The following ARID5B variants were observed in gnomAD, a reference collection of about 807,000 sequenced individuals.
ARID5B encodes AT-rich interaction domain 5B.
A neutral mutation model predicts 97.2 loss-of-function variants in ARID5B; 13 were observed. The observed-to-expected ratio is 0.13, with a 90% CI of 0.09 to 0.21. The LOEUF (loss-of-function observed/expected upper bound fraction) is 0.21. Ranked by LOEUF, ARID5B falls within the 10% of genes least tolerant of loss-of-function variation. The pLI, the probability that ARID5B is intolerant of heterozygous loss-of-function variation, is 1.00. For missense variants in ARID5B, 1,210 were observed against 1,465.3 expected (o/e 0.83, Z 2.84); for synonymous variants, 556 against 570.3 (o/e 0.97, Z 0.36).
At chr10:62,021,867 C>A (rs1839360440) in intron 4 of ARID5B, among the ~76,000 whole-genome samples, 1 of 152,144 alleles carries the variant, frequency 6.6e-6, no homozygotes, top group Non-Finnish European at 1.5e-5. Context: ...GAAACCAGTG[C>A]CATCACCACA....
intron 2 of ARID5B, among the ~76,000 whole-genome samples, chr10:61,909,598 T>C (rs1373784405): frequency 6.6e-6 from 1 of 152,228 alleles, no homozygotes; most frequent in Non-Finnish European, 1.5e-5. Flanking sequence ...GTGCTGGGAT[T>C]ACAGGCGTCA....
At chr10:61,944,537 A>C (rs953342855) in intron 3 of ARID5B, among the ~76,000 whole-genome samples, 1 of 152,210 alleles carries the variant, frequency 6.6e-6, no homozygotes, top group Non-Finnish European at 1.5e-5. Flanking sequence ...AAATTATTTT[A>C]TGTAACACTG....
chr10:62,027,285 CTTTTTTTTTTTTTTTTTTTTTTTT>C (rs777291593), intron 4 of ARID5B, among the ~76,000 whole-genome samples: 823 of 67,410 alleles, frequency 0.012, 18 homozygotes, highest in African/African-American at 0.043. Context: ...ACAGTATCTC[CTTTTTTTTTTTTTTTTTTTTTTTT>C]TTTTTTTTTT....
chr10:62,024,511 C>G (rs982315939), intron 4 of ARID5B, among the ~76,000 whole-genome samples: 9 of 152,184 alleles, frequency 5.9e-5, no homozygotes, highest in Non-Finnish European at 1.2e-4. Context: ...AACCATTCAT[C>G]AAAGGATCAT....
intron 3 of ARID5B, among the ~76,000 whole-genome samples, chr10:61,992,605 CTT>C (rs961606908): frequency 1.3e-5 from 2 of 151,814 alleles, no homozygotes; most frequent in Non-Finnish European, 2.9e-5. Context: ...CCCACATTTA[CTT>C]TTTTTTAAGT....
intron 3 of ARID5B, among the ~76,000 whole-genome samples, chr10:61,956,373 A>G (rs1248573938): frequency 6.6e-6 from 1 of 152,218 alleles, no homozygotes; most frequent in Non-Finnish European, 1.5e-5. Flanking sequence ...CACACAGTCC[A>G]TGGAAAAACT....
chr10:61,967,820 T>A (rs949512239), intron 3 of ARID5B, among the ~76,000 whole-genome samples: 1 of 152,146 alleles, frequency 6.6e-6, no homozygotes, highest in Non-Finnish European at 1.5e-5. Context: ...TTCAACAGAA[T>A]GTTGGAAGTA....
chr10:61,906,356 C>T (rs1402634627), intron 2 of ARID5B, among the ~76,000 whole-genome samples: 1 of 152,208 alleles, frequency 6.6e-6, no homozygotes, highest in Non-Finnish European at 1.5e-5. Context: ...TTGCCACATT[C>T]AGCCACTAGC....
At chr10:61,978,453 T>A (rs1477908840) in intron 3 of ARID5B, among the ~76,000 whole-genome samples, 2 of 152,216 alleles carry the variant, frequency 1.3e-5, no homozygotes, top group Non-Finnish European at 2.9e-5. Flanking sequence ...CCTTGGGCAG[T>A]ATGGCCATTT....
chr10:62,069,289 A>G (rs1840031585), intron 7 of ARID5B, among the ~76,000 whole-genome samples: 1 of 152,236 alleles, frequency 6.6e-6, no homozygotes, highest in Non-Finnish European at 1.5e-5. Flanking sequence ...CCCCATTTCC[A>G]CATGCCTCAG....
At chr10:61,935,967 A>G (rs1844292765) in intron 2 of ARID5B, among the ~76,000 whole-genome samples, 1 of 152,156 alleles carries the variant, frequency 6.6e-6, no homozygotes, top group Non-Finnish European at 1.5e-5. Context: ...ACCCTACTAT[A>G]TATACACTTG....
chr10:62,080,678 G>A (rs1840200482), intron 8 of ARID5B, among the ~76,000 whole-genome samples: 1 of 152,152 alleles, frequency 6.6e-6, no homozygotes, highest in Non-Finnish European at 1.5e-5. Flanking sequence ...TGGCCAAGCT[G>A]TAGAAATTTA....
At chr10:61,933,236 G>C (rs1165678429) in intron 2 of ARID5B, among the ~76,000 whole-genome samples, 1 of 152,132 alleles carries the variant, frequency 6.6e-6, no homozygotes, top group African/African-American at 2.4e-5. Flanking sequence ...ACATCTTTGG[G>C]CTCCACTTCT....
At chr10:61,997,497 T>G (rs1408022891) in intron 3 of ARID5B, among the ~76,000 whole-genome samples, 1 of 152,188 alleles carries the variant, frequency 6.6e-6, no homozygotes, top group Non-Finnish European at 1.5e-5. Context: ...TTATACTCCT[T>G]CAACCTGAGA....
chr10:62,073,618 C>T (rs1840092744), intron 8 of ARID5B, among the ~76,000 whole-genome samples: 1 of 152,208 alleles, frequency 6.6e-6, no homozygotes, highest in African/African-American at 2.4e-5. Context: ...CAAATCTATT[C>T]ATCTCTGTCA....
intron 2 of ARID5B, among the ~76,000 whole-genome samples, chr10:61,914,533 A>G (rs1843865417): frequency 6.6e-6 from 1 of 152,216 alleles, no homozygotes; most frequent in South Asian, 2.1e-4. Context: ...CATACATTGT[A>G]GTCTTAAAAC....
At chr10:62,033,211 A>G (rs1564632443) in intron 4 of ARID5B, among the ~76,000 whole-genome samples, 1 of 152,220 alleles carries the variant, frequency 6.6e-6, no homozygotes, top group African/African-American at 2.4e-5. Flanking sequence ...GGATTCTCCA[A>G]GCACATTTCA....
At chr10:61,952,434 G>A (rs1838335705) in intron 3 of ARID5B, among the ~76,000 whole-genome samples, 1 of 152,168 alleles carries the variant, frequency 6.6e-6, no homozygotes, top group African/African-American at 2.4e-5. Flanking sequence ...ATATAATGCA[G>A]TATCTTTTTT....
At chr10:62,021,029 A>AAAATATATAT (rs1171857247) in intron 4 of ARID5B, among the ~76,000 whole-genome samples, 1 of 106,876 alleles carries the variant, frequency 9.4e-6, no homozygotes, top group African/African-American at 4.0e-5. Flanking sequence ...TTGTCACATG[A>AAAATATATAT]ATATATATAT....
Sources: gnomAD v4.1 joint callset for allele counts (sites outside exome capture counted in the v4.1 genomes callset) on GRCh38, gnomAD v4.1.1 for gene constraint, MANE v1.5 for transcripts, NCBI Gene and HGNC (gene_info 2026-07-23, HGNC 2026-07-21) for gene names.